The following STPG2 variants were observed in gnomAD, a reference collection of about 807,000 sequenced individuals.
The protein encoded by STPG2 is sperm-tail PG-rich repeat-containing protein 2.
Under a neutral mutation model 54.2 loss-of-function variants are expected in STPG2, and 56 were observed. The ratio of observed to expected loss-of-function variants is 1.03; its 90% CI spans 0.83 to 1.29. STPG2 has a LOEUF of 1.29. Ranked by LOEUF, STPG2 falls within the 50% of genes most tolerant of loss-of-function variation. STPG2 has a pLI of 0.00. For missense variants in STPG2, 596 were observed against 544.9 expected, an observed-to-expected ratio of 1.09 and a Z score of -0.93; for synonymous variants, 200 against 181.8, an observed-to-expected ratio of 1.10 and a Z score of -0.81.
At chr4:97,812,430 C>T (rs930653449) in intron 9 of STPG2, among the ~76,000 whole-genome samples, 32 of 152,206 alleles carry the variant, frequency 2.1e-4, no homozygotes, top group African/African-American at 6.5e-4. Context: ...ACCTGTTCCA[C>T]ATTTACTTCT....
intron 5 of STPG2, among the ~76,000 whole-genome samples, chr4:98,075,135 G>A (rs550467154): frequency 2.2e-4 from 34 of 152,110 alleles, no homozygotes; most frequent in Non-Finnish European, 4.1e-4. Context: ...GTTTACCAGC[G>A]TCCCTCTTTC....
intron 10 of STPG2, among the ~76,000 whole-genome samples, chr4:97,567,189 AAC>A (rs142654573): frequency 4.5e-4 from 66 of 145,252 alleles, no homozygotes; most frequent in Middle Eastern, 3.5e-3. Context: ...TCATAGCTGT[AAC>A]ACACACACAC....
chr4:97,814,809 C>T (rs924655997), intron 9 of STPG2, among the ~76,000 whole-genome samples: 9 of 152,108 alleles, frequency 5.9e-5, no homozygotes, highest in African/African-American at 2.2e-4. Flanking sequence ...ATGCCTCCTG[C>T]CCTTGAACAT....
At chr4:97,665,272 T>C (rs976310736) in intron 10 of STPG2, among the ~76,000 whole-genome samples, 2 of 152,156 alleles carry the variant, frequency 1.3e-5, no homozygotes, top group Non-Finnish European at 2.9e-5. Flanking sequence ...CGGCAGTTCC[T>C]GAGTTCTTGT....
At chr4:97,908,630 G>T (rs1445216686) in intron 8 of STPG2, among the ~76,000 whole-genome samples, 2 of 151,802 alleles carry the variant, frequency 1.3e-5, no homozygotes, top group Non-Finnish European at 2.9e-5. Context: ...GTCCAACAAT[G>T]ATAGACTGGA....
At chr4:98,076,272 G>A (rs1178426735) in intron 5 of STPG2, among the ~76,000 whole-genome samples, 5 of 151,284 alleles carry the variant, frequency 3.3e-5, no homozygotes, top group Non-Finnish European at 5.9e-5. Flanking sequence ...CAGCAAATGA[G>A]TAGTGAACCA....
chr4:98,036,467 T>A (rs971362530), intron 5 of STPG2, among the ~76,000 whole-genome samples: 6 of 151,884 alleles, frequency 4.0e-5, no homozygotes, highest in African/African-American at 1.5e-4. Flanking sequence ...CATGAAATAC[T>A]ATGCAGCAAT....
intron 9 of STPG2, among the ~76,000 whole-genome samples, chr4:97,781,825 A>T (rs555239408): frequency 6.1e-4 from 93 of 152,246 alleles, no homozygotes; most frequent in African/African-American, 2.1e-3. Flanking sequence ...GAACCAAAGA[A>T]AAAAACCACA....
chr4:98,028,862 T>C (rs1203975798), intron 5 of STPG2, among the ~76,000 whole-genome samples: 1 of 152,180 alleles, frequency 6.6e-6, no homozygotes, highest in Non-Finnish European at 1.5e-5. Context: ...GATTTTATCC[T>C]ACAAATGTCA....
chr4:97,820,871 TC>T (rs1022979418), intron 9 of STPG2, among the ~76,000 whole-genome samples: 25 of 152,134 alleles, frequency 1.6e-4, no homozygotes, highest in African/African-American at 6.0e-4. Context: ...GAATGGATCC[TC>T]CTTCATGACT....
At chr4:97,797,296 C>G (rs1727225188) in intron 9 of STPG2, among the ~76,000 whole-genome samples, 1 of 152,148 alleles carries the variant, frequency 6.6e-6, no homozygotes, top group Non-Finnish European at 1.5e-5. Context: ...CCAGTTTTTG[C>G]CCATTCAGTA....
In STPG2 at chr4:97,981,373, T is replaced by G. The variant is rs1734671575; in HGVS notation, c.613-55A>C. 2.5e-6 allele frequency: 4 copies of G among 1,574,200 alleles called. No individual in the cohort carries two copies. In the African/African-American group the frequency reaches 5.4e-5, roughly 21 times the overall value. On this transcript the variant is annotated intron_variant, in intron 5 of 10. Coordinates refer to ENST00000295268, the MANE Select transcript of STPG2 (RefSeq NM_174952.3). ...AGAAAGTATAGTACATTTTGATACT[T>G]CATGAGTTAAAACCTGCCTTTTGAG...
At chr4:97,933,762 G>A (rs1390429037) in intron 8 of STPG2, among the ~76,000 whole-genome samples, 2 of 152,124 alleles carry the variant, frequency 1.3e-5, no homozygotes, top group Non-Finnish European at 2.9e-5. Flanking sequence ...TTTGGTTACT[G>A]TAGCCTTGTA....
intron 5 of STPG2, among the ~76,000 whole-genome samples, chr4:98,038,918 A>G (rs1052118876): frequency 6.6e-6 from 1 of 151,992 alleles, no homozygotes; most frequent in African/African-American, 2.4e-5. Flanking sequence ...GTCAACTTAC[A>G]TAGTAAAAAG....
At chr4:97,779,956 G>A (rs146286824) in intron 9 of STPG2, among the ~76,000 whole-genome samples, 5 of 150,954 alleles carry the variant, frequency 3.3e-5, no homozygotes, top group Admixed American at 2.0e-4. Context: ...AGGAACAACC[G>A]GTACCAGCCA....
chr4:98,095,122 T>C (rs1738812781), intron 5 of STPG2, among the ~76,000 whole-genome samples: 1 of 152,090 alleles, frequency 6.6e-6, no homozygotes, highest in Non-Finnish European at 1.5e-5. Flanking sequence ...TTTAAAATAA[T>C]GGGTTACAAG....
rs1731642258 is a variant in STPG2, at chr4:97,539,673, C to T, written c.462+173026G>A. Among the ~76,000 whole-genome samples the T allele has an allele frequency of 2.0e-5, 3 of 152,198 alleles. No individual in the cohort carries two copies. The South Asian group carries it at 6.2e-4, about 31-fold the overall frequency. On this transcript the variant is annotated intron_variant, in intron 4 of 4. Coordinates refer to the STPG2 transcript ENST00000522676. The stretch of plus-strand genomic sequence containing the variant: ...AACAAGGATATCCAGGAATTGAACT[C>T]AGCTCTGCACCTAATAGACCTAAGT...
chr4:98,092,043 C>G (rs183788764), intron 5 of STPG2, among the ~76,000 whole-genome samples: 147 of 152,146 alleles, frequency 9.7e-4, no homozygotes, highest in Non-Finnish European at 1.0e-3. Context: ...GTATATAAAA[C>G]TCACTCAGTG....
chr4:98,062,425 C>T (rs915712065), intron 5 of STPG2, among the ~76,000 whole-genome samples: 4 of 152,100 alleles, frequency 2.6e-5, no homozygotes, highest in South Asian at 2.1e-4. Flanking sequence ...AACAAACTTT[C>T]GCATGTACCC....
Sources: allele counts gnomAD v4.1 joint callset (sites outside exome capture counted in the v4.1 genomes callset), GRCh38; gene constraint gnomAD v4.1.1; transcripts MANE v1.5; gene names NCBI Gene and HGNC (gene_info 2026-07-23, HGNC 2026-07-21).